PDE4D: variants seen among roughly 807,000 people sequenced by gnomAD.
The protein encoded by PDE4D is phosphodiesterase 4D, also known as 3',5'-cyclic-AMP phosphodiesterase 4D.
A neutral mutation model predicts 87.4 loss-of-function variants in PDE4D; 24 were observed. That is an observed-to-expected ratio of 0.27 (90% CI 0.20 to 0.39). The LOEUF (loss-of-function observed/expected upper bound fraction) is 0.39. Among genes scored for constraint, PDE4D ranks in the 10% least tolerant of loss-of-function variants. The pLI is 1.00. For missense variants in PDE4D, 714 were observed against 1,041.0 expected (o/e 0.69, Z 4.32); for synonymous variants, 384 against 383.2 (o/e 1.00, Z -0.02).
chr5:59,771,483 A>G (rs5002528), intron 1 of PDE4D, among the ~76,000 whole-genome samples: 16,219 of 51,352 alleles, frequency 0.32, 3,551 homozygotes, highest in Non-Finnish European at 0.38. Flanking sequence ...GAAAGAAAGA[A>G]AGAGAGAGAG....
intron 1 of PDE4D, among the ~76,000 whole-genome samples, chr5:60,246,552 A>G (rs950481992): frequency 1.3e-5 from 2 of 151,786 alleles, no homozygotes; most frequent in Admixed American, 1.3e-4. Context: ...CTCTCCAGCT[A>G]TATCTAATTT....
intron 5 of PDE4D, among the ~76,000 whole-genome samples, chr5:59,089,111 T>C (rs1768233405): frequency 6.6e-6 from 1 of 152,098 alleles, no homozygotes; most frequent in African/African-American, 2.4e-5. Context: ...TCTATCAGAG[T>C]TTCCTGCTGT....
chr5:60,286,399 T>C (rs1348810840), intron 1 of PDE4D, among the ~76,000 whole-genome samples: 1 of 152,160 alleles, frequency 6.6e-6, no homozygotes, highest in Admixed American at 6.6e-5. Context: ...ACATTTGATC[T>C]CCGTAGATAT....
At chr5:59,203,327 A>C (rs974766) in intron 2 of PDE4D, among the ~76,000 whole-genome samples, 16,104 of 152,170 alleles carry the variant, frequency 0.11, 1,157 homozygotes, top group African/African-American at 0.2. Context: ...TTTTAATCAA[A>C]AAAAGGTAAC....
At chr5:59,971,302 A>G (rs1476826370) in intron 3 of PDE4D, among the ~76,000 whole-genome samples, 2 of 151,640 alleles carry the variant, frequency 1.3e-5, no homozygotes, top group African/African-American at 4.8e-5. Context: ...GCACATGTAT[A>G]CATACGTAAC....
intron 1 of PDE4D, among the ~76,000 whole-genome samples, chr5:59,270,193 A>G (rs1478211173): frequency 6.6e-6 from 1 of 152,206 alleles, no homozygotes; most frequent in African/African-American, 2.4e-5. Context: ...CTTGGGTAAT[A>G]GGACCAAAAA....
At chr5:60,461,647 TC>T (rs1399445545) in intron 1 of PDE4D, among the ~76,000 whole-genome samples, 1 of 152,236 alleles carries the variant, frequency 6.6e-6, no homozygotes, top group Non-Finnish European at 1.5e-5. Flanking sequence ...CAAACAGTTT[TC>T]CTACCTTCAT....
intron 1 of PDE4D, among the ~76,000 whole-genome samples, chr5:59,633,771 C>T (rs113415802): frequency 1.5e-3 from 236 of 152,288 alleles, no homozygotes; most frequent in African/African-American, 5.5e-3. Context: ...CTGATACCAG[C>T]CACTGCAAAA....
rs147478960 is a variant in PDE4D at position 60,398,879 on chromosome 5, G to A, written c.-90+89063C>T. ...TGCCCCAAGTCACACAGCTGAACAA[G>A]GACTTGCACCCAGGTCTGTCCAACC... On this transcript the variant is annotated intron_variant, in intron 1 of 16. Transcript: ENST00000502484. Among the ~76,000 whole-genome samples, 24 of 152,188 alleles carry A rather than the reference G, an allele frequency of 1.6e-4. No individual in the cohort carries two copies. The East Asian group carries it at 4.6e-3, about 29-fold the overall frequency.
intron 3 of PDE4D, among the ~76,000 whole-genome samples, chr5:59,902,345 G>A (rs1752364712): frequency 6.6e-6 from 1 of 152,028 alleles, no homozygotes; most frequent in South Asian, 2.1e-4. Context: ...GTAGGTCTGG[G>A]GCAATGCTGA....
At chr5:60,366,371 C>A (rs933261175) in intron 1 of PDE4D, among the ~76,000 whole-genome samples, 1 of 152,148 alleles carries the variant, frequency 6.6e-6, no homozygotes, top group Admixed American at 6.5e-5. Context: ...AAAGTCAGAT[C>A]ATACACCAAG....
chr5:59,638,965 C>T (rs1741075377), intron 1 of PDE4D, among the ~76,000 whole-genome samples: 1 of 152,220 alleles, frequency 6.6e-6, no homozygotes, highest in African/African-American at 2.4e-5. Flanking sequence ...TAAAGGGCTA[C>T]ATAGCAGAAT....
At chr5:60,143,041 GA>G (rs927353517) in intron 2 of PDE4D, among the ~76,000 whole-genome samples, 2 of 152,108 alleles carry the variant, frequency 1.3e-5, no homozygotes, top group African/African-American at 4.8e-5. Flanking sequence ...GTCAAGAGAA[GA>G]AAAAGTCAAA....
intron 1 of PDE4D, among the ~76,000 whole-genome samples, chr5:59,743,813 T>A (rs1411655810): frequency 1.3e-5 from 2 of 152,062 alleles, no homozygotes; most frequent in African/African-American, 4.8e-5. Context: ...AGCACTACAA[T>A]CATCACTCAA....
At chr5:60,425,636 A>T (rs202233957) in intron 1 of PDE4D, among the ~76,000 whole-genome samples, 1 of 152,070 alleles carries the variant, frequency 6.6e-6, no homozygotes, top group Non-Finnish European at 1.5e-5. Flanking sequence ...GGACTTCATG[A>T]CTAAAACACC....
In PDE4D at chr5:59,893,149, G is replaced by A; in HGVS notation, c.455+19C>T. The A allele has an allele frequency of 6.5e-7, 1 of 1,547,626 alleles. No individual in the cohort carries two copies. The highest frequency in any genetic ancestry group is 8.7e-7 in the Non-Finnish European group (1 of 1,145,576). On this transcript the variant is annotated intron_variant, in intron 1 of 14. Coordinates refer to ENST00000340635, the MANE Select transcript of PDE4D (RefSeq NM_001104631.2). ...GGTGACCCTTTGCCTGAATGGGGGA[G>A]GGGGCGCTCTCCACTCACCGCCTGA...
intron 1 of PDE4D, among the ~76,000 whole-genome samples, chr5:59,761,316 A>G (rs1761939101): frequency 6.6e-6 from 1 of 152,168 alleles, no homozygotes; most frequent in Admixed American, 6.6e-5. Context: ...TCCACACACT[A>G]CTATAGACTT....
intron 2 of PDE4D, among the ~76,000 whole-genome samples, chr5:60,142,294 T>C (rs890584833): frequency 3.9e-5 from 6 of 152,072 alleles, no homozygotes; most frequent in Non-Finnish European, 7.4e-5. Flanking sequence ...ATTTGAAAAT[T>C]GTCTACTGCG....
At chr5:60,051,176 C>T (rs547450262) in intron 2 of PDE4D, among the ~76,000 whole-genome samples, 1 of 152,260 alleles carries the variant, frequency 6.6e-6, no homozygotes, top group African/African-American at 2.4e-5. Context: ...GATCTCAGCT[C>T]TGGACCAAGC....
Sources: gnomAD v4.1 joint callset for allele counts (sites outside exome capture counted in the v4.1 genomes callset) on GRCh38, gnomAD v4.1.1 for gene constraint, MANE v1.5 for transcripts, NCBI Gene and HGNC (gene_info 2026-07-23, HGNC 2026-07-21) for gene names.